The following CTNNA3 variants were observed in gnomAD, a reference collection of about 807,000 sequenced individuals.
CTNNA3 encodes the protein catenin alpha 3.
In CTNNA3, 76 loss-of-function variants were observed where a neutral mutation model predicts 95.7. The observed-to-expected ratio is 0.79, with a 90% CI of 0.66 to 0.96. The LOEUF is 0.96. CTNNA3 is among the 40% of genes least tolerant of loss of function. CTNNA3 has a pLI of 0.00. For synonymous variants in CTNNA3, 431 were observed against 374.4 expected (o/e 1.15, Z -1.74); for missense variants, 1,191 against 1,089.8 (o/e 1.09, Z -1.31).
rs201033974 is a variant in CTNNA3, at chr10:66,110,039, C to G, written c.1885-6790G>C. Among the ~76,000 whole-genome samples, 4 of 152,154 alleles carry G rather than the reference C, an allele frequency of 2.6e-5. No homozygotes were observed. In the East Asian group the frequency reaches 7.7e-4, roughly 29 times the overall value. ...TAATTAACAAATCTATCTCTTCACT[C>G]ATGTATCATTTTTTTGTGGTGAAAA... On this transcript the variant is annotated intron_variant, in intron 13 of 17. Coordinates refer to ENST00000433211, the MANE Select transcript of CTNNA3 (RefSeq NM_013266.4).
chr10:67,596,918 G>A (rs566633737), intron 3 of CTNNA3, among the ~76,000 whole-genome samples: 1 of 152,024 alleles, frequency 6.6e-6, no homozygotes, highest in Non-Finnish European at 1.5e-5. Flanking sequence ...CATAGATTTG[G>A]TCTCTTTACA....
At chr10:66,058,018 A>G (rs1321987245) in intron 15 of CTNNA3, among the ~76,000 whole-genome samples, 2 of 152,200 alleles carry the variant, frequency 1.3e-5, no homozygotes, top group Non-Finnish European at 2.9e-5. Flanking sequence ...TGGGGAAAAC[A>G]TAAAACTTAC....
chr10:66,315,285 T>C (rs1394268276), intron 12 of CTNNA3, among the ~76,000 whole-genome samples: 1 of 152,086 alleles, frequency 6.6e-6, no homozygotes, highest in Non-Finnish European at 1.5e-5. Flanking sequence ...CCCACTTCAT[T>C]ATTAATAATG....
chr10:67,002,019 G>C (rs931647145), intron 7 of CTNNA3, among the ~76,000 whole-genome samples: 2 of 152,140 alleles, frequency 1.3e-5, no homozygotes, highest in Non-Finnish European at 2.9e-5. Context: ...CCTAGGTTCC[G>C]AGGAGGTCAC....
chr10:66,830,647 T>C (rs1426505827), intron 7 of CTNNA3, among the ~76,000 whole-genome samples: 1 of 152,060 alleles, frequency 6.6e-6, no homozygotes, highest in South Asian at 2.1e-4. Flanking sequence ...TCTAGCTCTG[T>C]TGCCCAGGCT....
At chr10:66,980,103 TG>T (rs1850327112) in intron 7 of CTNNA3, among the ~76,000 whole-genome samples, 1 of 152,170 alleles carries the variant, frequency 6.6e-6, no homozygotes, top group Non-Finnish European at 1.5e-5. Context: ...CTGTATTTCC[TG>T]GTTACTAATC....
chr10:66,138,718 G>A (rs922159010), intron 13 of CTNNA3, among the ~76,000 whole-genome samples: 3 of 152,092 alleles, frequency 2.0e-5, no homozygotes, highest in Non-Finnish European at 4.4e-5. Flanking sequence ...AATCAGCCAG[G>A]TGTGGTGGCA....
intron 15 of CTNNA3, among the ~76,000 whole-genome samples, chr10:66,063,373 T>C (rs912133425): frequency 6.6e-6 from 1 of 150,478 alleles, no homozygotes; most frequent in South Asian, 2.1e-4. Context: ...GATCTGCTTC[T>C]CTATCAAAGT....
intron 13 of CTNNA3, among the ~76,000 whole-genome samples, chr10:66,130,146 G>A (rs774629319): frequency 1.2e-4 from 18 of 152,144 alleles, no homozygotes; most frequent in African/African-American, 1.7e-4. Context: ...CACATGCAGA[G>A]GGCACACATA....
At chr10:67,671,507 C>T (rs964698189) in intron 1 of CTNNA3, among the ~76,000 whole-genome samples, 4 of 142,732 alleles carry the variant, frequency 2.8e-5, no homozygotes, top group Admixed American at 6.9e-5. Context: ...TATCCCTCCC[C>T]GCTCCCCCCA....
intron 5 of CTNNA3, among the ~76,000 whole-genome samples, chr10:67,394,486 T>G (rs1028337736): frequency 6.6e-6 from 1 of 152,112 alleles, no homozygotes; most frequent in African/African-American, 2.4e-5. Flanking sequence ...ACACAGTACC[T>G]GCCACAGAGT....
intron 1 of CTNNA3, among the ~76,000 whole-genome samples, chr10:67,662,582 CTGAG>C (rs1840219873): frequency 2.0e-5 from 3 of 152,256 alleles, no homozygotes; most frequent in South Asian, 4.1e-4. Context: ...AAGCGTTTTG[CTGAG>C]TGAGAATCAG....
At chr10:67,044,182 A>G (rs1432246668) in intron 7 of CTNNA3, among the ~76,000 whole-genome samples, 2 of 152,112 alleles carry the variant, frequency 1.3e-5, no homozygotes, top group Non-Finnish European at 2.9e-5. Flanking sequence ...CTTATAAGTG[A>G]GAACATGTAA....
intron 1 of CTNNA3, among the ~76,000 whole-genome samples, chr10:67,703,987 C>T (rs1841061349): frequency 1.3e-5 from 2 of 152,106 alleles, no homozygotes; most frequent in Non-Finnish European, 2.9e-5. Context: ...CAATAACAGA[C>T]AAACAGAGAG....
chr10:67,750,072 A>G (rs1283828339), intron 1 of CTNNA3, among the ~76,000 whole-genome samples: 1 of 152,100 alleles, frequency 6.6e-6, no homozygotes, highest in Non-Finnish European at 1.5e-5. Context: ...AGTCAGCGAG[A>G]CTATGAACCC....
At chr10:67,331,927 G>A (rs1276777578) in intron 5 of CTNNA3, among the ~76,000 whole-genome samples, 2 of 152,020 alleles carry the variant, frequency 1.3e-5, no homozygotes, top group African/African-American at 4.8e-5. Context: ...TAAACATAAA[G>A]AAAAATAATT....
At chr10:67,584,637 T>G (rs903663790) in intron 3 of CTNNA3, among the ~76,000 whole-genome samples, 1 of 152,214 alleles carries the variant, frequency 6.6e-6, no homozygotes, top group Non-Finnish European at 1.5e-5. Flanking sequence ...TTCTGCTGCC[T>G]TTTGTTCAGC....
chr10:66,468,432 T>C lies in CTNNA3; in HGVS notation c.1531+52185A>G, dbSNP rs537719281. Among the ~76,000 whole-genome samples, 179 of 152,012 alleles carry C rather than the reference T, an allele frequency of 1.2e-3. 1 individual carries two copies. Among genetic ancestry groups the C allele is most frequent in the South Asian group, 5.2e-3 (25 of 4,820 alleles). On this transcript the variant is annotated intron_variant, in intron 11 of 17. Coordinates refer to ENST00000433211, the MANE Select transcript of CTNNA3 (RefSeq NM_013266.4). The stretch of plus-strand genomic sequence containing the variant: ...AGACAGATTTTTTAAAAGTTTGATA[T>C]GTACATCAATATAAAATTTAAAAGG...
In CTNNA3 at chr10:66,434,352, T is replaced by C. The variant is rs370661803; in HGVS notation, c.1532-55000A>G. ...TGGTTTGTAGTTCCCCTTGAAGAGG[T>C]CCTTCACATCCCTTGTAACTTGTAT... On this transcript the variant is annotated intron_variant, in intron 11 of 17. Transcript: ENST00000433211. 4.7e-4 allele frequency among the ~76,000 whole-genome samples: 72 copies of C among 152,244 alleles called. 1 individual carries two copies. In the South Asian group the frequency reaches 0.015, roughly 31 times the overall value.
Sources: allele counts gnomAD v4.1 joint callset (sites outside exome capture counted in the v4.1 genomes callset), GRCh38; gene constraint gnomAD v4.1.1; transcripts MANE v1.5; gene names NCBI Gene and HGNC (gene_info 2026-07-23, HGNC 2026-07-21).